The following RELL1 variants were observed in gnomAD, a reference collection of about 807,000 sequenced individuals.
The protein encoded by RELL1 is RELT like 1.
Under a neutral mutation model 23.0 loss-of-function variants are expected in RELL1, and 10 were observed. The ratio of observed to expected loss-of-function variants is 0.43; its 90% CI spans 0.27 to 0.74. The LOEUF is 0.74. RELL1 is among the 30% of genes least tolerant of loss of function. The pLI, the probability that RELL1 is intolerant of heterozygous loss-of-function variation, is 0.19. For synonymous variants in RELL1, 146 were observed against 146.8 expected (o/e 0.99, Z 0.04); for missense variants, 315 against 364.4 (o/e 0.86, Z 1.10).
At position 37,611,456 on chromosome 4, in the gene RELL1, T is replaced by A. The variant is rs573207120; in HGVS notation, c.*1890A>T. Reference sequence around the variant, plus strand: ...TTTAAAAGGTTAGAAATGTTTAGTTTGATGCTGGAAATAAAATCATTGAAG... The same window carrying A: ...TTTAAAAGGTTAGAAATGTTTAGTTAGATGCTGGAAATAAAATCATTGAAG... On this transcript the variant is annotated 3_prime_UTR_variant, in exon 7 of 7. Coordinates refer to ENST00000454158, the MANE Select transcript of RELL1 (RefSeq NM_001085400.2). Among the ~76,000 whole-genome samples, 62 of 152,342 alleles carry A rather than the reference T, an allele frequency of 4.1e-4. No individual in the cohort carries two copies. Among genetic ancestry groups the A allele is most frequent in the African/African-American group, 1.4e-3 (58 of 41,578 alleles).
At chr4:37,639,571 C>T (rs558394435) in intron 3 of RELL1, among the ~76,000 whole-genome samples, 92 of 151,852 alleles carry the variant, frequency 6.1e-4, no homozygotes, top group Non-Finnish European at 9.6e-4. Context: ...CCCACACCCA[C>T]ATCCACATCC....
chr4:37,652,521 G>A (rs1261451652), intron 1 of RELL1, among the ~76,000 whole-genome samples: 1 of 152,176 alleles, frequency 6.6e-6, no homozygotes, highest in African/African-American at 2.4e-5. Context: ...AACAAGAATA[G>A]GTGAAGTAGG....
rs760993781 is a variant in RELL1 at position 37,686,225 on chromosome 4, G to A, written c.63C>T (p.Ala21=). ...VLAAAVFVGG[A]VSSPLVAPDN... Reference sequence around the variant, plus strand: ...CCGGAGCCACCAGCGGCGAACTCACGGCGCCTCCCACGAAGACAGCAGCGG... The same window carrying A: ...CCGGAGCCACCAGCGGCGAACTCACAGCGCCTCCCACGAAGACAGCAGCGG... The change falls in exon 1 of 7, where the codon GCC becomes GCT. Residue 21 remains alanine, a synonymous_variant. Transcript: ENST00000454158. 6 of 1,580,734 alleles carry A rather than the reference G, an allele frequency of 3.8e-6. No individual in the cohort carries two copies. The highest frequency in any genetic ancestry group is 4.3e-6 in the Non-Finnish European group (5 of 1,171,676).
intron 1 of RELL1, among the ~76,000 whole-genome samples, chr4:37,661,239 G>A (rs1343475497): frequency 2.0e-5 from 3 of 151,798 alleles, no homozygotes; most frequent in Middle Eastern, 3.4e-3. Context: ...CTTACTACTA[G>A]TGCAAAACAA....
chr4:37,686,259 G>T lies in RELL1; in HGVS notation c.29C>A (p.Ala10Asp). 6.4e-7 allele frequency: 1 copy of T among 1,565,936 alleles called. No individual in the cohort carries two copies. Among genetic ancestry groups the T allele is most frequent in the Admixed American group, 1.8e-5 (1 of 56,470 alleles). Residue 10 changes from alanine (A) to aspartate (D), a missense_variant, in exon 1 of 7, where the codon GCC becomes GAC. Ala to Asp is a moderately radical substitution (Grantham distance 126). Transcript: ENST00000454158. Reference protein sequence around the residue: MAPRALPGSAVLAAAVFVGG... With the variant: MAPRALPGSDVLAAAVFVGG... ...CACGAAGACAGCAGCGGCTAGGACGGCGGACCCCGGGAGTGCCCGCGGAGC... is the reference window on the plus strand; with the variant it reads ...CACGAAGACAGCAGCGGCTAGGACGTCGGACCCCGGGAGTGCCCGCGGAGC...
chr4:37,590,135 A>C, downstream of RELL1: 1 of 1,614,204 alleles, frequency 6.2e-7, no homozygotes, highest in Non-Finnish European at 8.5e-7. Flanking sequence ...TATGTCAATG[A>C]AGTCAACAGC....
chr4:37,662,094 C>G (rs1341613067), intron 1 of RELL1, among the ~76,000 whole-genome samples: 5 of 152,110 alleles, frequency 3.3e-5, no homozygotes, highest in Non-Finnish European at 4.4e-5. Flanking sequence ...GTCATGAGCC[C>G]TGGAGTCTGA....
intron 6 of RELL1, among the ~76,000 whole-genome samples, chr4:37,599,537 T>C (rs1396134861): frequency 6.6e-6 from 1 of 152,186 alleles, no homozygotes; most frequent in Non-Finnish European, 1.5e-5. Flanking sequence ...ACAAAAGCTT[T>C]ATGATTCTAA....
At chr4:37,603,910 G>A (rs909793292) in intron 6 of RELL1, among the ~76,000 whole-genome samples, 1 of 152,136 alleles carries the variant, frequency 6.6e-6, no homozygotes, top group Non-Finnish European at 1.5e-5. Flanking sequence ...CCTTGACCTC[G>A]CAGGCTTAAG....
At chr4:37,634,511 C>T (rs577455652) in intron 5 of RELL1, among the ~76,000 whole-genome samples, 1 of 152,346 alleles carries the variant, frequency 6.6e-6, no homozygotes, top group African/African-American at 2.4e-5. Flanking sequence ...CCTGGCAGAG[C>T]CACAAACGAA....
At chr4:37,597,356 G>C (rs895675249) in intron 6 of RELL1, among the ~76,000 whole-genome samples, 1 of 152,110 alleles carries the variant, frequency 6.6e-6, no homozygotes, top group African/African-American at 2.4e-5. Context: ...TGAGGAACAG[G>C]CTAATTAGAA....
chr4:37,637,610 C>A (rs1720377785), intron 4 of RELL1, among the ~76,000 whole-genome samples: 1 of 152,240 alleles, frequency 6.6e-6, no homozygotes, highest in African/African-American at 2.4e-5. Flanking sequence ...ACCCATCCTA[C>A]AGCATTCACA....
At chr4:37,616,711 A>T (rs1021708163) in intron 6 of RELL1, among the ~76,000 whole-genome samples, 1 of 152,254 alleles carries the variant, frequency 6.6e-6, no homozygotes, top group Non-Finnish European at 1.5e-5. Flanking sequence ...ATAGAGCTAC[A>T]TGACAGCAAT....
chr4:37,604,457 C>T (rs1383955764), intron 6 of RELL1, among the ~76,000 whole-genome samples: 1 of 152,112 alleles, frequency 6.6e-6, no homozygotes, highest in Non-Finnish European at 1.5e-5. Context: ...TCAACCTTTC[C>T]ACTTCCTCAG....
chr4:37,686,028 G>T (rs991230163), intron 1 of RELL1, among the ~76,000 whole-genome samples, 172 bp downstream of exon 1: 1 of 152,182 alleles, frequency 6.6e-6, no homozygotes, highest in African/African-American at 2.4e-5. Flanking sequence ...CCGTTGCCAC[G>T]CACCGCGCCC....
intron 2 of RELL1, among the ~76,000 whole-genome samples, chr4:37,648,067 T>C (rs1316940518): frequency 6.6e-6 from 1 of 152,094 alleles, no homozygotes; most frequent in Non-Finnish European, 1.5e-5. Flanking sequence ...CGAGGAAGGG[T>C]TGAAACGCTC....
chr4:37,637,967 A>G (rs888604144), intron 4 of RELL1, among the ~76,000 whole-genome samples: 1 of 152,142 alleles, frequency 6.6e-6, no homozygotes, highest in Admixed American at 6.5e-5. Flanking sequence ...TACTGTGGTG[A>G]TCTCCATTTT....
Position 37,594,686 on chromosome 4 carries a change from G to T in RELL1, c.*4-3469C>A, listed in dbSNP as rs571238056. On this transcript the variant is annotated intron_variant, in intron 6 of 6. Transcript: ENST00000314117. ...CCCAAAAAAACGAAGAGAATTTTAG[G>T]TTTCTTACATAGCACATGCCCATCT... Among the ~76,000 whole-genome samples, 3 of 152,286 alleles carry T rather than the reference G, an allele frequency of 2.0e-5. No individual in the cohort carries two copies. In the South Asian group the frequency reaches 6.2e-4, roughly 32 times the overall value.
intron 1 of RELL1, among the ~76,000 whole-genome samples, chr4:37,659,085 G>A (rs192222720): frequency 6.4e-4 from 98 of 152,274 alleles, no homozygotes; most frequent in African/African-American, 2.3e-3. Flanking sequence ...TTTGCACACA[G>A]CAAGAGCCAC....
Sources: allele counts gnomAD v4.1 joint callset (sites outside exome capture counted in the v4.1 genomes callset), GRCh38; gene constraint gnomAD v4.1.1; transcripts MANE v1.5; gene names NCBI Gene and HGNC (gene_info 2026-07-23, HGNC 2026-07-21).